Variants in CPLX2 observed in about 807,000 individuals in gnomAD.
The protein encoded by CPLX2 is complexin-2.
In CPLX2, 5 loss-of-function variants were observed where a neutral mutation model predicts 16.3. The ratio of observed to expected loss-of-function variants is 0.31; its 90% CI spans 0.16 to 0.64. The LOEUF is 0.64. CPLX2 is among the 30% of genes least tolerant of loss of function. The pLI is 0.79. For synonymous variants in CPLX2, 89 were observed against 73.2 expected (o/e 1.22, Z -1.10); for missense variants, 144 against 181.4 (o/e 0.79, Z 1.18).
chr5:175,843,387 C>T (rs1220632457), intron 2 of CPLX2, among the ~76,000 whole-genome samples: 1 of 152,222 alleles, frequency 6.6e-6, no homozygotes, highest in African/African-American at 2.4e-5. Context: ...GAATGTCCCC[C>T]CAACACACAC....
intron 2 of CPLX2, among the ~76,000 whole-genome samples, chr5:175,826,716 A>G (rs1252056738): frequency 6.6e-6 from 1 of 152,090 alleles, no homozygotes; most frequent in East Asian, 1.9e-4. Flanking sequence ...AGGACCCACC[A>G]ATGCCTAGGC....
intron 2 of CPLX2, among the ~76,000 whole-genome samples, chr5:175,835,636 A>C (rs192573574): frequency 2.2e-4 from 33 of 152,128 alleles, no homozygotes; most frequent in Non-Finnish European, 3.2e-4. Flanking sequence ...GCTGAAATCA[A>C]AGTTTTTGTT....
At position 175,808,009 on chromosome 5, in the gene CPLX2, C is replaced by T. The variant is rs7710549; in HGVS notation, c.-168-980C>T. Among the ~76,000 whole-genome samples, 208 of 152,118 alleles carry T rather than the reference C, an allele frequency of 1.4e-3. 6 individuals carry two copies. The East Asian group carries it at 0.03, about 22-fold the overall frequency. ...CTGGAGCCACTGAGAGCAGGGCTAT[C>T]GTTACTAAAAGAAGAGGAAATAGAG... is the stretch of plus-strand genomic sequence containing the variant. On this transcript the variant is annotated intron_variant, in intron 1 of 4. Coordinates refer to the CPLX2 transcript ENST00000359546.
At chr5:175,850,338 G>C (rs556632343) in intron 2 of CPLX2, among the ~76,000 whole-genome samples, 1 of 152,170 alleles carries the variant, frequency 6.6e-6, no homozygotes, top group African/African-American at 2.4e-5. Flanking sequence ...TATGGAAAAC[G>C]CAAGTCTGGC....
At chr5:175,834,198 T>C (rs1038476244) in intron 2 of CPLX2, among the ~76,000 whole-genome samples, 9 of 152,280 alleles carry the variant, frequency 5.9e-5, no homozygotes, top group African/African-American at 1.9e-4. Context: ...TGTCCACAAA[T>C]GTAAAATGGG....
At chr5:175,836,233 C>T (rs1361123203) in intron 2 of CPLX2, among the ~76,000 whole-genome samples, 3 of 152,068 alleles carry the variant, frequency 2.0e-5, no homozygotes, top group African/African-American at 4.8e-5. Flanking sequence ...ACCTGTGGTC[C>T]CAGCTACTTG....
chr5:175,863,802 C>T (rs1344158496), intron 2 of CPLX2, among the ~76,000 whole-genome samples: 2 of 152,164 alleles, frequency 1.3e-5, no homozygotes, highest in African/African-American at 4.8e-5. Flanking sequence ...TCTGGACTTT[C>T]CTCACACAGT....
Position 175,802,839 on chromosome 5 carries a change from CT to C in CPLX2, c.-169+6065del, listed in dbSNP as rs530203677. On this transcript the variant is annotated intron_variant, in intron 1 of 4. Transcript: ENST00000359546. The stretch of plus-strand genomic sequence containing the variant: ...CCTTCCTTTCTTTTTTTTTATTTTC[CT>C]TTTTTTTTTGAGACAGAGTCTCGCT... 4.2e-3 allele frequency among the ~76,000 whole-genome samples: 630 copies of C among 148,600 alleles called. 3 individuals carry two copies. Among genetic ancestry groups the C allele is most frequent in the African/African-American group, 0.015 (598 of 40,568 alleles).
chr5:175,803,297 C>G (rs147683832), intron 1 of CPLX2, among the ~76,000 whole-genome samples: 8 of 152,136 alleles, frequency 5.3e-5, no homozygotes, highest in Non-Finnish European at 1.0e-4. Context: ...ACAGGGAAGA[C>G]GAAGACAAGG....
rs1261076594 is a variant in CPLX2, at chr5:175,883,022, G to C, written c.*2977G>C. ...GGGCAGTGTGCATGCAACACACTTA[G>C]GGGAGGAGTGGCCCCAGAATTCAGC... On this transcript the variant is annotated 3_prime_UTR_variant, in exon 4 of 4. Transcript: ENST00000393745. 6.6e-6 allele frequency: 1 copy of C among 152,316 alleles called. No homozygotes were observed. Among genetic ancestry groups the C allele is most frequent in the African/African-American group, 2.4e-5 (1 of 41,452 alleles). The allele number at this position is 152,316 out of a possible 1,614,324, so 9.4% of individuals were successfully genotyped here.
intron 1 of CPLX2, among the ~76,000 whole-genome samples, chr5:175,802,642 A>T (rs1247775099): frequency 2.0e-5 from 3 of 152,144 alleles, no homozygotes; most frequent in African/African-American, 7.2e-5. Context: ...AGAGTAGGGC[A>T]TGGGGCCAGG....
At position 175,827,227 on chromosome 5, in the gene CPLX2, T is replaced by G. The variant is rs370069346; in HGVS notation, c.-89+18159T>G. ...TGGCCTAAACCGTGGTCATGTGCCC[T>G]CTATGGGAGAACAGGCTGGGGCCTC... is the stretch of plus-strand genomic sequence containing the variant. On this transcript the variant is annotated intron_variant, in intron 2 of 4. Transcript: ENST00000359546. Among the ~76,000 whole-genome samples the G allele has an allele frequency of 2.8e-4, 43 of 152,316 alleles. 1 individual carries two copies. The South Asian group carries it at 8.7e-3, about 31-fold the overall frequency.
At chr5:175,862,779 T>C (rs1759396440) in intron 2 of CPLX2, among the ~76,000 whole-genome samples, 1 of 152,224 alleles carries the variant, frequency 6.6e-6, no homozygotes, top group Non-Finnish European at 1.5e-5. Context: ...TCTCTGCTCA[T>C]GTGCCCTCAA....
intron 1 of CPLX2, among the ~76,000 whole-genome samples, chr5:175,806,549 G>A (rs1403825957): frequency 6.6e-6 from 1 of 152,168 alleles, no homozygotes; most frequent in Non-Finnish European, 1.5e-5. Flanking sequence ...GGAGTGCAAT[G>A]GTGCCATCTT....
At chr5:175,806,538 T>C (rs1376011155) in intron 1 of CPLX2, among the ~76,000 whole-genome samples, 1 of 152,226 alleles carries the variant, frequency 6.6e-6, no homozygotes, top group Non-Finnish European at 1.5e-5. Context: ...TTGCCCAGGC[T>C]GGAGTGCAAT....
chr5:175,815,159 G>A (rs764823828), intron 2 of CPLX2, among the ~76,000 whole-genome samples: 2 of 152,156 alleles, frequency 1.3e-5, no homozygotes, highest in South Asian at 2.1e-4. Flanking sequence ...ATGGACAAAC[G>A]TCACCATCCC....
intron 2 of CPLX2, among the ~76,000 whole-genome samples, chr5:175,826,042 G>T (rs556092377): frequency 1.4e-4 from 21 of 151,934 alleles, no homozygotes; most frequent in Admixed American, 1.3e-3. Flanking sequence ...GGTGTGGGCT[G>T]GGCTGAGACT....
chr5:175,804,237 A>G (rs991943813), intron 1 of CPLX2, among the ~76,000 whole-genome samples: 4 of 152,236 alleles, frequency 2.6e-5, no homozygotes, highest in African/African-American at 9.6e-5. Context: ...GCTTAACTGC[A>G]GGGACACTGC....
At chr5:175,865,577 T>C (rs903171889) in intron 2 of CPLX2, among the ~76,000 whole-genome samples, 2 of 152,228 alleles carry the variant, frequency 1.3e-5, no homozygotes, top group African/African-American at 4.8e-5. Flanking sequence ...GACACTGAGA[T>C]TCATAGAATT....
Sources: allele counts gnomAD v4.1 joint callset (sites outside exome capture counted in the v4.1 genomes callset), GRCh38; gene constraint gnomAD v4.1.1; transcripts MANE v1.5; gene names NCBI Gene and HGNC (gene_info 2026-07-23, HGNC 2026-07-21).